Variants in GRK5 observed in about 807,000 individuals in gnomAD.
GRK5 encodes the protein G protein-coupled receptor kinase 5.
Under a neutral mutation model 78.4 loss-of-function variants are expected in GRK5, and 40 were observed. That is an observed-to-expected ratio of 0.51 (90% confidence interval 0.40 to 0.66). GRK5 has a LOEUF of 0.66. GRK5 is among the 30% of genes least tolerant of loss of function. GRK5 has a pLI of 0.00. For synonymous variants in GRK5, 289 were observed against 296.8 expected, an observed-to-expected ratio of 0.97 and a Z score of 0.27; for missense variants, 598 against 759.9, an observed-to-expected ratio of 0.79 and a Z score of 2.50.
Position 119,423,170 on chromosome 10 carries a change from CT to C in GRK5, c.345del (p.Val116PhefsTer3), listed in dbSNP as rs1225296920. The C allele has an allele frequency of 6.2e-7, 1 of 1,611,098 alleles. No individual in the cohort carries two copies. The highest frequency in any genetic ancestry group is 8.5e-7 in the Non-Finnish European group (1 of 1,177,314). The stretch of plus-strand genomic sequence containing the variant: ...CCCTTCCCTTCCTTCTTCCAGTCCC[CT>C]GTTTTCATAGCCCAAGTTGGCCAAG... ...IMTKYLTPKS[P>X]VFIAQVGQDL... On this transcript the variant is annotated frameshift_variant, in exon 5 of 16. Coordinates refer to ENST00000392870, the MANE Select transcript of GRK5 (RefSeq NM_005308.3). LOFTEE classifies it high-confidence loss of function.
At chr10:119,321,861 C>T (rs1196464667) in intron 1 of GRK5, among the ~76,000 whole-genome samples, 5 of 152,154 alleles carry the variant, frequency 3.3e-5, no homozygotes, top group Admixed American at 1.3e-4. Context: ...CCTTTCCCAC[C>T]GCCTCCAACC....
At chr10:119,286,104 T>G (rs1318157681) in intron 1 of GRK5, among the ~76,000 whole-genome samples, 2 of 148,772 alleles carry the variant, frequency 1.3e-5, no homozygotes, top group Admixed American at 1.3e-4. Context: ...TTTTATGTAT[T>G]CTGTAGCCTT....
chr10:119,447,220 C>T (rs1853169867), intron 12 of GRK5, among the ~76,000 whole-genome samples: 1 of 152,166 alleles, frequency 6.6e-6, no homozygotes, highest in Admixed American at 6.5e-5. Context: ...CCCAAAGACT[C>T]TTCCTCTCCT....
intron 1 of GRK5, among the ~76,000 whole-genome samples, chr10:119,246,434 T>A (rs1849115350): frequency 6.6e-6 from 1 of 152,172 alleles, no homozygotes. Flanking sequence ...AACCTGTGGA[T>A]AGGGAGGGCT....
intron 2 of GRK5, among the ~76,000 whole-genome samples, chr10:119,337,144 T>C (rs553035284): frequency 6.6e-6 from 1 of 152,284 alleles, no homozygotes; most frequent in Middle Eastern, 3.4e-3. Flanking sequence ...GGGCTTTATT[T>C]TACCTTTTAT....
At chr10:119,287,150 G>A (rs1295141263) in intron 1 of GRK5, among the ~76,000 whole-genome samples, 1 of 140,664 alleles carries the variant, frequency 7.1e-6, no homozygotes, top group African/African-American at 2.7e-5. Flanking sequence ...GGAAGCAAGG[G>A]AGGGAAGGAG....
At chr10:119,396,599 C>T in intron 3 of GRK5, 96 bp from the exon 4 acceptor site, 2 of 1,018,180 alleles carry the variant, frequency 2.0e-6, no homozygotes, top group Non-Finnish European at 1.5e-6. Context: ...GGTCAGGTGG[C>T]CTCTAGGGGA....
rs1486798496 is a variant in GRK5, at chr10:119,379,915, C to G, written c.149-900C>G. 1.3e-5 allele frequency among the ~76,000 whole-genome samples: 2 copies of G among 152,134 alleles called. No individual in the cohort carries two copies. Among genetic ancestry groups the G allele is most frequent in the Non-Finnish European group, 2.9e-5 (2 of 68,016 alleles). ...AAATTGTTGGCTAACACCATGGTCT[C>G]TGGGCCTCTTGGTGGGAGTCTTGCA... On this transcript the variant is annotated intron_variant, in intron 2 of 15. Coordinates refer to ENST00000392870, the MANE Select transcript of GRK5 (RefSeq NM_005308.3). The surrounding 1 kb of genome is among the most constrained non-coding windows in gnomAD (Gnocchi z 4.1).
At chr10:119,300,022 A>G (rs1361818494) in intron 1 of GRK5, among the ~76,000 whole-genome samples, 1 of 152,070 alleles carries the variant, frequency 6.6e-6, no homozygotes, top group Non-Finnish European at 1.5e-5. Context: ...TCTTAAGGGG[A>G]AGCAGCCTTT....
At chr10:119,423,431 A>G (rs1246160930) in intron 5 of GRK5, among the ~76,000 whole-genome samples, 165 bp downstream of exon 5, 2 of 151,280 alleles carry the variant, frequency 1.3e-5, no homozygotes, top group Non-Finnish European at 2.9e-5. Flanking sequence ...AGAAAAAGAT[A>G]TCAAGGTGCC....
intron 1 of GRK5, among the ~76,000 whole-genome samples, chr10:119,277,253 T>C (rs1477989878): frequency 2.0e-5 from 3 of 152,136 alleles, no homozygotes; most frequent in Non-Finnish European, 2.9e-5. Flanking sequence ...CAGACCACCA[T>C]GCTGGGTGGA....
intron 1 of GRK5, among the ~76,000 whole-genome samples, chr10:119,261,270 C>T (rs1161561973): frequency 6.6e-6 from 1 of 151,268 alleles, no homozygotes; most frequent in Non-Finnish European, 1.5e-5. Flanking sequence ...GGGTGGCGGC[C>T]GGGCAGAGGC....
At chr10:119,230,337 A>G (rs1342096010) in intron 1 of GRK5, among the ~76,000 whole-genome samples, 6 of 152,060 alleles carry the variant, frequency 3.9e-5, no homozygotes, top group African/African-American at 1.2e-4. Context: ...TTTTCACACT[A>G]CTGATAAAGA....
At chr10:119,296,109 C>T (rs575139606) in intron 1 of GRK5, among the ~76,000 whole-genome samples, 1 of 152,320 alleles carries the variant, frequency 6.6e-6, no homozygotes, top group East Asian at 1.9e-4. Context: ...TCAGCAGTGC[C>T]ATCAAGGACC....
At chr10:119,415,696 T>A (rs1316337663) in intron 4 of GRK5, among the ~76,000 whole-genome samples, 1 of 152,138 alleles carries the variant, frequency 6.6e-6, no homozygotes, top group Non-Finnish European at 1.5e-5. Context: ...GGCCAGCTGG[T>A]TTTGACTGGG....
At chr10:119,257,297 G>A (rs919783298) in intron 1 of GRK5, among the ~76,000 whole-genome samples, 5 of 152,202 alleles carry the variant, frequency 3.3e-5, no homozygotes, top group East Asian at 1.9e-4. Context: ...CTGGAAACAC[G>A]GAAGCAGTGA....
intron 1 of GRK5, among the ~76,000 whole-genome samples, chr10:119,317,071 G>A (rs1334713008): frequency 6.6e-6 from 1 of 152,196 alleles, no homozygotes; most frequent in Non-Finnish European, 1.5e-5. Context: ...TCAGGAACCA[G>A]GGACAAAAGC....
intron 1 of GRK5, among the ~76,000 whole-genome samples, chr10:119,286,605 T>C (rs963192004): frequency 2.0e-5 from 3 of 152,200 alleles, no homozygotes; most frequent in African/African-American, 7.2e-5. Flanking sequence ...TTTGCTATAA[T>C]TTGAAGGGAA....
Position 119,458,056 on chromosome 10 carries a change from A to G in GRK5, c.*2989A>G, listed in dbSNP as rs1041769769. On this transcript the variant is annotated 3_prime_UTR_variant, in exon 16 of 16. Transcript: ENST00000392870. Reference sequence around the variant, plus strand: ...AGCAAACAACACTGTCCACCCATCTACCTGTCCAGGATAAGGCATATTTGG... The same window carrying G: ...AGCAAACAACACTGTCCACCCATCTGCCTGTCCAGGATAAGGCATATTTGG... 1.3e-5 allele frequency: 2 copies of G among 152,214 alleles called. No individual in the cohort carries two copies. The allele number at this position is 152,214 out of a possible 1,614,324, so 9.4% of individuals were successfully genotyped here.
Sources: allele counts gnomAD v4.1 joint callset (sites outside exome capture counted in the v4.1 genomes callset), GRCh38; gene constraint gnomAD v4.1.1; non-coding constraint Gnocchi (gnomAD v3.1); transcripts MANE v1.5; gene names NCBI Gene and HGNC (gene_info 2026-07-23, HGNC 2026-07-21).